The following TGFB2 variants were observed in gnomAD, a reference collection of about 807,000 sequenced individuals.
The protein encoded by TGFB2 is transforming growth factor beta-2 proprotein.
TGFB2 carries 13 observed loss-of-function variants against 42.7 expected under a neutral mutation model. The observed-to-expected ratio is 0.30, with a 90% confidence interval of 0.20 to 0.48. The LOEUF is 0.48. Among genes scored for constraint, TGFB2 ranks in the 20% least tolerant of loss-of-function variants. The pLI, the probability that TGFB2 is intolerant of heterozygous loss-of-function variation, is 0.99. For synonymous variants in TGFB2, 193 were observed against 193.6 expected (o/e 1.00, Z 0.03); for missense variants, 390 against 517.5 (o/e 0.75, Z 2.39).
chr1:218,349,127 G>A (rs376403635), intron 1 of TGFB2, among the ~76,000 whole-genome samples: 10 of 152,006 alleles, frequency 6.6e-5, no homozygotes, highest in Non-Finnish European at 7.4e-5. Flanking sequence ...GAAAACCTCC[G>A]ATACGTCCAA....
In TGFB2 at chr1:218,441,335, G is replaced by A; in HGVS notation, c.1218G>A (p.Met406Ile). 1.2e-6 allele frequency: 2 copies of A among 1,607,760 alleles called. No individual in the cohort carries two copies. Among genetic ancestry groups the A allele is most frequent in the Non-Finnish European group, 1.7e-6 (2 of 1,178,644 alleles). The change falls in exon 7 of 7, where the codon ATG becomes ATA. Residue 406 changes from methionine to isoleucine, a missense_variant. Physicochemically the swap from Met to Ile is conservative, Grantham distance 10 (BLOSUM62 1). Transcript: ENST00000366930. ...KTPKIEQLSN[M>I]IVKSCKCS The stretch of plus-strand genomic sequence containing the variant: ...CCAAGATTGAACAGCTTTCTAATAT[G>A]ATTGTAAAGTCTTGCAAATGCAGCT...
At chr1:218,369,366 T>C (rs1657499158) in intron 1 of TGFB2, among the ~76,000 whole-genome samples, 1 of 151,306 alleles carries the variant, frequency 6.6e-6, no homozygotes, top group African/African-American at 2.4e-5. Context: ...AGGATGGCAC[T>C]TGGCAACTGC....
intron 1 of TGFB2, among the ~76,000 whole-genome samples, chr1:218,400,545 C>T (rs1359467120): frequency 6.6e-6 from 1 of 152,166 alleles, no homozygotes; most frequent in Non-Finnish European, 1.5e-5. Flanking sequence ...CATAGGGTTG[C>T]AAACTCTGCA....
intron 1 of TGFB2, among the ~76,000 whole-genome samples, chr1:218,395,611 C>CTTTTTTTTTTTT (rs35666134): frequency 2.9e-5 from 4 of 138,614 alleles, no homozygotes; most frequent in African/African-American, 5.4e-5. Flanking sequence ...TTTTCTTTTT[C>CTTTTTTTTTTTT]TTTTTTTTTT....
At chr1:218,408,809 G>C (rs1362427057) in intron 2 of TGFB2, among the ~76,000 whole-genome samples, 1 of 152,030 alleles carries the variant, frequency 6.6e-6, no homozygotes, top group African/African-American at 2.4e-5. Flanking sequence ...TTGGCACCAG[G>C]GACCAGTTTT....
intron 2 of TGFB2, 135 bp from the exon 3 acceptor site, chr1:218,433,947 T>G: frequency 7.7e-6 from 9 of 1,171,148 alleles, no homozygotes; most frequent in Non-Finnish European, 1.1e-5. Flanking sequence ...ACCATGCAAT[T>G]GAGATGACAA....
At chr1:218,403,941 G>A (rs192930786) in intron 1 of TGFB2, among the ~76,000 whole-genome samples, 7 of 151,344 alleles carry the variant, frequency 4.6e-5, no homozygotes, top group South Asian at 2.1e-4. Context: ...GGTCTGCACA[G>A]TGTAGATGCT....
At chr1:218,430,473 C>A (rs868779494) in intron 2 of TGFB2, among the ~76,000 whole-genome samples, 2 of 151,994 alleles carry the variant, frequency 1.3e-5, no homozygotes, top group African/African-American at 4.8e-5. Flanking sequence ...TACATATCCA[C>A]AACTACTAAC....
At chr1:218,367,791 CA>C (rs1657433689) in intron 1 of TGFB2, among the ~76,000 whole-genome samples, 2 of 152,116 alleles carry the variant, frequency 1.3e-5, no homozygotes, top group African/African-American at 4.8e-5. Context: ...AGAGGACGTT[CA>C]TTTTTTTTCT....
chr1:218,352,551 C>T (rs1324305339), intron 1 of TGFB2, among the ~76,000 whole-genome samples: 2 of 152,186 alleles, frequency 1.3e-5, no homozygotes, highest in African/African-American at 2.4e-5. Flanking sequence ...GAAAAGTTTG[C>T]TTCTGTCATT....
intron 1 of TGFB2, among the ~76,000 whole-genome samples, chr1:218,371,544 T>C (rs925000801): frequency 9.2e-5 from 14 of 152,220 alleles, no homozygotes; most frequent in African/African-American, 3.4e-4. Context: ...TAAAAGGCCC[T>C]GTTGGCAGTA....
At chr1:218,399,541 G>A (rs953340886) in intron 1 of TGFB2, among the ~76,000 whole-genome samples, 6 of 152,164 alleles carry the variant, frequency 3.9e-5, no homozygotes, top group African/African-American at 1.4e-4. Context: ...AGGTGAAATT[G>A]CTTGATGCAG....
intron 1 of TGFB2, among the ~76,000 whole-genome samples, chr1:218,397,944 C>T (rs1436386895): frequency 6.6e-6 from 1 of 152,218 alleles, no homozygotes; most frequent in Non-Finnish European, 1.5e-5. Flanking sequence ...GAACTACTGA[C>T]CTTTCTGGCT....
chr1:218,377,366 G>C (rs11118091), intron 1 of TGFB2, among the ~76,000 whole-genome samples: 1,735 of 152,314 alleles, frequency 0.011, 30 homozygotes, highest in East Asian at 0.086. Flanking sequence ...ACATTTTGTA[G>C]TATAGTTCAT....
Position 218,443,335 on chromosome 1 carries a change from T to G in TGFB2, c.*1973T>G, listed in dbSNP as rs1029769341. ...AATTAATAGGCAAAGCAATGGAATATTTGCAGTTTCACCTAAAGAGCAGCA... is the reference window on the plus strand; with the variant it reads ...AATTAATAGGCAAAGCAATGGAATAGTTGCAGTTTCACCTAAAGAGCAGCA... On this transcript the variant is annotated 3_prime_UTR_variant, in exon 7 of 7. Coordinates refer to ENST00000366930, the MANE Select transcript of TGFB2 (RefSeq NM_003238.6). The G allele has an allele frequency of 6.6e-6, 1 of 152,222 alleles. No individual in the cohort carries two copies. The highest frequency in any genetic ancestry group is 1.5e-5 in the Non-Finnish European group (1 of 68,040). 9.4% of individuals were successfully genotyped at this position (152,222 alleles called of 1,614,324 possible). A position where few individuals can be genotyped will look rare whatever the true frequency, so the allele number is the denominator to read the frequency against.
chr1:218,346,887 A>G lies in TGFB2; in HGVS notation c.186A>G (p.Glu62=). 6.2e-7 allele frequency: 1 copy of G among 1,614,186 alleles called. No individual in the cohort carries two copies. Among genetic ancestry groups the G allele is most frequent in the Non-Finnish European group, 8.5e-7 (1 of 1,180,042 alleles). The change falls in exon 1 of 7, where the codon GAA becomes GAG. Residue 62 remains glutamate, a synonymous_variant. Coordinates refer to ENST00000366930, the MANE Select transcript of TGFB2 (RefSeq NM_003238.6). The surrounding 1 kb of genome is among the most constrained non-coding windows in gnomAD (Gnocchi z 4.9). ...CAGAAGACTATCCTGAGCCCGAGGAAGTCCCCCCGGAGGTGATTTCCATCT... is the reference window on the plus strand; with the variant it reads ...CAGAAGACTATCCTGAGCCCGAGGAGGTCCCCCCGGAGGTGATTTCCATCT... ...SPPEDYPEPE[E]VPPEVISIYN...
intron 4 of TGFB2, among the ~76,000 whole-genome samples, chr1:218,435,499 T>A (rs996912393): frequency 2.0e-5 from 3 of 152,210 alleles, no homozygotes; most frequent in Non-Finnish European, 4.4e-5. Flanking sequence ...CCTAATTCAC[T>A]CCAATTCAGT....
chr1:218,389,254 G>A lies in TGFB2; in HGVS notation c.347-15915G>A, dbSNP rs191920678. 1.3e-4 allele frequency among the ~76,000 whole-genome samples: 20 copies of A among 152,266 alleles called. No individual in the cohort carries two copies. In the East Asian group the frequency reaches 2.3e-3, roughly 18 times the overall value. ...TTATGTGACTTAGCTGTTTGAGAGC[G>A]ATTAATTTCCTTTTGCTTTGTGATA... On this transcript the variant is annotated intron_variant, in intron 1 of 6. Coordinates refer to ENST00000366930, the MANE Select transcript of TGFB2 (RefSeq NM_003238.6).
chr1:218,412,508 G>A (rs1012066879), intron 2 of TGFB2, among the ~76,000 whole-genome samples: 3 of 152,204 alleles, frequency 2.0e-5, no homozygotes, highest in African/African-American at 7.2e-5. Flanking sequence ...GTGTTTCAGT[G>A]TGCGTACTCA....
Sources: gnomAD v4.1 joint callset for allele counts (sites outside exome capture counted in the v4.1 genomes callset) on GRCh38, gnomAD v4.1.1 for gene constraint, Gnocchi (gnomAD v3.1) non-coding constraint, MANE v1.5 for transcripts, NCBI Gene and HGNC (gene_info 2026-07-23, HGNC 2026-07-21) for gene names.